Variants in ABCG2 observed in about 807,000 individuals in gnomAD.
ABCG2 encodes the protein broad substrate specificity ATP-binding cassette transporter ABCG2.
A neutral mutation model predicts 73.5 loss-of-function variants in ABCG2; 80 were observed. The ratio of observed to expected loss-of-function variants is 1.09; its 90% CI spans 0.91 to 1.31. ABCG2 has a LOEUF of 1.31. ABCG2 is among the 50% of genes most tolerant of loss of function. ABCG2 has a pLI of 0.00. For synonymous variants in ABCG2, 269 were observed against 282.4 expected (o/e 0.95, Z 0.48); for missense variants, 796 against 786.2 (o/e 1.01, Z -0.15).
chr4:88,120,104 T>C (rs753263810), intron 6 of ABCG2, among the ~76,000 whole-genome samples: 1 of 152,176 alleles, frequency 6.6e-6, no homozygotes, highest in African/African-American at 2.4e-5. Context: ...TGGTACCCTA[T>C]GTTTCAGCCA....
chr4:88,113,870 A>C (rs966906837), intron 8 of ABCG2, among the ~76,000 whole-genome samples: 1 of 152,108 alleles, frequency 6.6e-6, no homozygotes, highest in African/African-American at 2.4e-5. Context: ...AGGCTGAGGC[A>C]AGAGAATCGC....
intron 1 of ABCG2, among the ~76,000 whole-genome samples, chr4:88,189,670 G>A (rs1728604419): frequency 6.6e-6 from 1 of 152,146 alleles, no homozygotes; most frequent in Non-Finnish European, 1.5e-5. Flanking sequence ...CAACATAGAA[G>A]ATTACAACAT....
At chr4:88,148,833 A>T (rs1401084322) in intron 1 of ABCG2, among the ~76,000 whole-genome samples, 1 of 152,210 alleles carries the variant, frequency 6.6e-6, no homozygotes, top group Non-Finnish European at 1.5e-5. Flanking sequence ...TGTAACCACT[A>T]CAATCAAGAC....
chr4:88,107,320 A>C, intron 9 of ABCG2, 54 bp from the exon 10 acceptor site: 1 of 1,215,862 alleles, frequency 8.2e-7, no homozygotes. Flanking sequence ...TAGAGATAAA[A>C]ACTTATACAC....
chr4:88,200,067 G>C (rs967269135), intron 1 of ABCG2, among the ~76,000 whole-genome samples: 3 of 152,068 alleles, frequency 2.0e-5, no homozygotes, highest in African/African-American at 7.2e-5. Context: ...GCTCATGCCT[G>C]TAATCCCAGC....
At chr4:88,110,698 TC>T (rs1415183681) in intron 9 of ABCG2, among the ~76,000 whole-genome samples, 1 of 152,198 alleles carries the variant, frequency 6.6e-6, no homozygotes, top group East Asian at 1.9e-4. Context: ...ACTGCCATGT[TC>T]ATTTATTCAT....
In ABCG2 at chr4:88,113,378, G is replaced by T. The variant is rs549101371; in HGVS notation, c.1119C>A (p.Phe373Leu). Residue 373 changes from phenylalanine to leucine, a missense_variant, in exon 9 of 16, where the codon TTC (phenylalanine) becomes TTA (leucine). Transcript: ENST00000237612. ...TGGAAACCCATCTGAGTTGATGACA[G>T]AAGGAGGTGGTGTAGCTGATCTCCT... ...VFKEISYTTS[F>L]CHQLRWVSKR... The T allele has an allele frequency of 3.8e-5, 62 of 1,614,094 alleles. No homozygotes were observed. In the South Asian group the frequency reaches 6.3e-4, roughly 16 times the overall value.
intron 9 of ABCG2, among the ~76,000 whole-genome samples, chr4:88,110,404 A>T (rs1051299526): frequency 7.2e-5 from 11 of 152,002 alleles, no homozygotes; most frequent in African/African-American, 2.7e-4. Context: ...TTAGCTGGGC[A>T]TGGTGGCGGG....
intron 1 of ABCG2, among the ~76,000 whole-genome samples, chr4:88,155,770 G>A (rs533570512): frequency 1.3e-5 from 2 of 152,102 alleles, no homozygotes; most frequent in African/African-American, 4.8e-5. Context: ...GCTGGGCGTG[G>A]TGGCACATGC....
intron 1 of ABCG2, among the ~76,000 whole-genome samples, chr4:88,210,272 C>A (rs368732298): frequency 1.1e-3 from 160 of 152,246 alleles, no homozygotes; most frequent in African/African-American, 3.8e-3. Flanking sequence ...CTAAGCTGGA[C>A]TGGAACTCCT....
At chr4:88,202,500 C>G (rs1441667798) in intron 1 of ABCG2, among the ~76,000 whole-genome samples, 1 of 150,712 alleles carries the variant, frequency 6.6e-6, no homozygotes, top group Admixed American at 6.6e-5. Flanking sequence ...GAATTTATTG[C>G]GTGAAAAGGA....
At chr4:88,202,182 C>A (rs1009174701) in intron 1 of ABCG2, among the ~76,000 whole-genome samples, 9 of 151,122 alleles carry the variant, frequency 6.0e-5, no homozygotes, top group Non-Finnish European at 1.2e-4. Flanking sequence ...TGGATAAAGT[C>A]CCATAATGCC....
chr4:88,097,318 C>T (rs1011595086), intron 13 of ABCG2, 135 bp downstream of exon 13: 3 of 940,034 alleles, frequency 3.2e-6, no homozygotes, highest in Non-Finnish European at 4.7e-6. Context: ...TAATCTATTC[C>T]AGTAGATGGC....
intron 1 of ABCG2, among the ~76,000 whole-genome samples, chr4:88,156,627 T>C (rs1185860728): frequency 6.6e-5 from 10 of 151,832 alleles, no homozygotes; most frequent in African/African-American, 2.2e-4. Flanking sequence ...AATTAAAAAA[T>C]GTAGAAGGAA....
chr4:88,136,678 C>T (rs1224576301), intron 2 of ABCG2, among the ~76,000 whole-genome samples: 1 of 152,124 alleles, frequency 6.6e-6, no homozygotes, highest in South Asian at 2.1e-4. Context: ...TGCACTCCAG[C>T]CTGGGCAACA....
chr4:88,230,308 T>TA (rs746680651), intron 1 of ABCG2, among the ~76,000 whole-genome samples: 48,187 of 96,072 alleles, frequency 0.5, 13,762 homozygotes, highest in East Asian at 0.77. Context: ...TATATATATA[T>TA]TTTTTTTTTT....
intron 1 of ABCG2, among the ~76,000 whole-genome samples, chr4:88,175,101 T>C (rs752551073): frequency 3.0e-4 from 46 of 152,234 alleles, no homozygotes; most frequent in Non-Finnish European, 1.3e-4. Flanking sequence ...AATCAAGTAT[T>C]ATACTTTATT....
chr4:88,115,512 G>A (rs796640557), intron 7 of ABCG2, among the ~76,000 whole-genome samples: 9 of 149,918 alleles, frequency 6.0e-5, no homozygotes, highest in African/African-American at 2.2e-4. Flanking sequence ...TCGAACTCCT[G>A]GCCTCAAGTG....
chr4:88,196,034 T>G (rs184215806), intron 1 of ABCG2, among the ~76,000 whole-genome samples: 10 of 152,298 alleles, frequency 6.6e-5, no homozygotes, highest in East Asian at 5.8e-4. Context: ...GGAGACGACC[T>G]TTCCCTGGCG....
Sources: gnomAD v4.1 joint callset for allele counts (sites outside exome capture counted in the v4.1 genomes callset) on GRCh38, gnomAD v4.1.1 for gene constraint, MANE v1.5 for transcripts, NCBI Gene and HGNC (gene_info 2026-07-23, HGNC 2026-07-21) for gene names.